The following SPATA6L variants were observed in gnomAD, a reference collection of about 807,000 sequenced individuals.
SPATA6L encodes spermatogenesis associated 6-like protein.
SPATA6L carries 68 observed loss-of-function variants against 49.2 expected under a neutral mutation model. The observed-to-expected ratio is 1.38, with a 90% CI of 1.14 to 1.69. The LOEUF (loss-of-function observed/expected upper bound fraction) is 1.69, where lower values mean the gene tolerates loss of function less well. SPATA6L is among the 40% of genes most tolerant of loss of function. The probability of loss-of-function intolerance (pLI) is 0.00; values close to 1 mark genes in which losing one functional copy is unlikely to be tolerated. For missense variants in SPATA6L, 668 were observed against 464.3 expected (o/e 1.44, Z -4.03); for synonymous variants, 198 against 165.7 (o/e 1.19, Z -1.50).
At chr9:4,626,635 C>A in intron 5 of SPATA6L, 2 of 1,127,898 alleles carry the variant, frequency 1.8e-6, no homozygotes, top group South Asian at 1.5e-5. Flanking sequence ...CTTTCAACCC[C>A]TGTTTAGCCA....
At chr9:4,611,446 T>C (rs200147222) in intron 9 of SPATA6L, among the ~76,000 whole-genome samples, 1 of 149,306 alleles carries the variant, frequency 6.7e-6, no homozygotes, top group Non-Finnish European at 1.5e-5. Context: ...GGCACATATA[T>C]ACCACGGAAT....
chr9:4,657,650 C>T (rs1838602425), intron 2 of SPATA6L, among the ~76,000 whole-genome samples: 1 of 152,090 alleles, frequency 6.6e-6, no homozygotes, highest in Admixed American at 6.5e-5. Flanking sequence ...GGTTCAGAGA[C>T]CTCCGCTGCT....
intron 3 of SPATA6L, among the ~76,000 whole-genome samples, chr9:4,637,012 T>C (rs573126353): frequency 6.6e-6 from 1 of 152,276 alleles, no homozygotes; most frequent in African/African-American, 2.4e-5. Context: ...TCAGACTGCC[T>C]TTCTCCTGCT....
chr9:4,650,176 A>T (rs924115389), intron 3 of SPATA6L, among the ~76,000 whole-genome samples: 3 of 152,102 alleles, frequency 2.0e-5, no homozygotes, highest in Non-Finnish European at 4.4e-5. Flanking sequence ...AAACTCTTCA[A>T]TCTACCTGGT....
At chr9:4,609,898 C>A (rs1197782426) in intron 9 of SPATA6L, among the ~76,000 whole-genome samples, 1 of 152,010 alleles carries the variant, frequency 6.6e-6, no homozygotes, top group African/African-American at 2.4e-5. Flanking sequence ...CAGAAAACCC[C>A]ATTGTCTCAG....
chr9:4,611,512 A>T (rs1826705382), intron 9 of SPATA6L, among the ~76,000 whole-genome samples: 1 of 149,156 alleles, frequency 6.7e-6, no homozygotes, highest in South Asian at 2.1e-4. Flanking sequence ...CACGGATGAA[A>T]TTGGAAATCA....
intron 3 of SPATA6L, among the ~76,000 whole-genome samples, chr9:4,652,543 A>G (rs1160513131): frequency 6.6e-6 from 1 of 152,128 alleles, no homozygotes; most frequent in Admixed American, 6.5e-5. Flanking sequence ...GAAAATTACA[A>G]AACATCATTG....
At position 4,629,110 on chromosome 9, in the gene SPATA6L, A is replaced by C; in HGVS notation, c.410T>G (p.Leu137Arg). ...TRTAIRECVF[L>R]HRNRFLEERH... ...ACTTACAAGAAATCTGTTTCTATGC[A>C]GAAACACACATTCTCTGATGGCTGT... The change falls in exon 5 of 12, where the codon CTG becomes CGG. Residue 137 changes from leucine to arginine, a missense_variant. Transcript: ENST00000682582. The C allele has an allele frequency of 6.2e-7, 1 of 1,610,378 alleles. No homozygotes were observed. Among genetic ancestry groups the C allele is most frequent in the African/African-American group, 1.3e-5 (1 of 74,914 alleles).
chr9:4,630,123 A>T (rs982500296), intron 4 of SPATA6L, among the ~76,000 whole-genome samples: 5 of 152,042 alleles, frequency 3.3e-5, no homozygotes, highest in Non-Finnish European at 7.4e-5. Flanking sequence ...TGATAGAGAA[A>T]AGACTAGTGC....
At chr9:4,646,428 C>T (rs932724362) in intron 3 of SPATA6L, 6 of 1,278,628 alleles carry the variant, frequency 4.7e-6, no homozygotes, top group Middle Eastern at 1.9e-4. Flanking sequence ...TTTTGACAGG[C>T]CAAATTTATT....
rs552583133 is a variant in SPATA6L at position 4,589,181 on chromosome 9, C to T, written c.*255-220G>A. 2.0e-5 allele frequency among the ~76,000 whole-genome samples: 3 copies of T among 152,346 alleles called. No individual in the cohort carries two copies. In the South Asian group the frequency reaches 6.2e-4, roughly 32 times the overall value. On this transcript the variant is annotated intron_variant and NMD_transcript_variant, in intron 13 of 13. Transcript: ENST00000461761. Reference sequence around the variant, plus strand: ...GAAATAGGAATAAAAATTATTTCCTCACAGGACTGCTTTCAGCAGTCAATG... The same window carrying T: ...GAAATAGGAATAAAAATTATTTCCTTACAGGACTGCTTTCAGCAGTCAATG...
intron 9 of SPATA6L, among the ~76,000 whole-genome samples, chr9:4,608,368 A>G (rs1825834896): frequency 4.7e-5 from 3 of 63,866 alleles, no homozygotes; most frequent in Non-Finnish European, 8.5e-5. Flanking sequence ...CACCACACCT[A>G]TTCCAAAATT....
In SPATA6L at chr9:4,599,336, T is replaced by C. The variant is rs1440736112; in HGVS notation, c.*1475A>G. Among the ~76,000 whole-genome samples the C allele has an allele frequency of 1.3e-5, 2 of 152,228 alleles. No homozygotes were observed. Among genetic ancestry groups the C allele is most frequent in the East Asian group, 1.9e-4 (1 of 5,202 alleles). The stretch of plus-strand genomic sequence containing the variant: ...GCTGAAATTCTAAGAAGAGGATAAA[T>C]GAATTTTGTTTTGTTGTTTTTGTTT... On this transcript the variant is annotated 3_prime_UTR_variant, in exon 12 of 12. Transcript: ENST00000682582.
chr9:4,646,429 C>A, intron 3 of SPATA6L: 1 of 1,297,126 alleles, frequency 7.7e-7, no homozygotes, highest in Non-Finnish European at 1.0e-6. Flanking sequence ...TTTGACAGGC[C>A]AAATTTATTT....
In SPATA6L at chr9:4,598,949, A is replaced by T. The variant is rs916359206; in HGVS notation, c.*1862T>A. Among the ~76,000 whole-genome samples, 2 of 152,200 alleles carry T rather than the reference A, an allele frequency of 1.3e-5. No homozygotes were observed. Among genetic ancestry groups the T allele is most frequent in the Non-Finnish European group, 2.9e-5 (2 of 68,034 alleles). On this transcript the variant is annotated 3_prime_UTR_variant, in exon 12 of 12. Transcript: ENST00000682582. ...GTCTCCCTTATCTTCAGTGCTTGGG[A>T]CTGACCAGAAGTATTTTAAACTTGG...
chr9:4,591,081 G>C (rs1434921688), intron 13 of SPATA6L, among the ~76,000 whole-genome samples: 2 of 152,184 alleles, frequency 1.3e-5, no homozygotes, highest in Non-Finnish European at 2.9e-5. Context: ...CTTTGCCTTT[G>C]TCTGCGCCCC....
intron 7 of SPATA6L, among the ~76,000 whole-genome samples, chr9:4,620,394 G>GC (rs1200056361): frequency 6.6e-6 from 1 of 152,170 alleles, no homozygotes; most frequent in East Asian, 1.9e-4. Context: ...GCTTCTCAAA[G>GC]TGCAGTCCAT....
rs1380944488 is a variant in SPATA6L, at chr9:4,633,564, C to T, written c.351+1711G>A. The stretch of plus-strand genomic sequence containing the variant: ...CCAAAGCACCCAAGATTCAGTGTCT[C>T]GTTACTCCACATGTCCTGTAACACA... On this transcript the variant is annotated intron_variant, in intron 4 of 11. Transcript: ENST00000682582. The T allele has an allele frequency of 2.1e-5, 4 of 191,334 alleles. No individual in the cohort carries two copies. The East Asian group carries it at 3.6e-4, about 17-fold the overall frequency. 11.9% of individuals were successfully genotyped at this position (191,334 alleles called of 1,614,324 possible).
chr9:4,661,552 A>C (rs995357109), intron 2 of SPATA6L, among the ~76,000 whole-genome samples: 6 of 152,028 alleles, frequency 3.9e-5, no homozygotes, highest in Admixed American at 3.9e-4. Context: ...GTTTTTTCTA[A>C]GGTCCACAGT....
Sources: gnomAD v4.1 joint callset for allele counts (sites outside exome capture counted in the v4.1 genomes callset) on GRCh38, gnomAD v4.1.1 for gene constraint, MANE v1.5 for transcripts, NCBI Gene and HGNC (gene_info 2026-07-23, HGNC 2026-07-21) for gene names.